Variants in RIPOR3 observed in about 807,000 individuals in gnomAD.
RIPOR3 encodes the protein RIPOR family member 3, also known as family with sequence similarity 65 member C.
Under a neutral mutation model 114.3 loss-of-function variants are expected in RIPOR3, and 95 were observed. That is an observed-to-expected ratio of 0.83 (90% CI 0.70 to 0.99). The LOEUF (loss-of-function observed/expected upper bound fraction) is 0.99. Ranked by LOEUF, RIPOR3 falls within the 50% of genes least tolerant of loss-of-function variation. The pLI, the probability that RIPOR3 is intolerant of heterozygous loss-of-function variation, is 0.00. For missense variants in RIPOR3, 1,252 were observed against 1,266.9 expected (o/e 0.99, Z 0.18); for synonymous variants, 575 against 543.8 (o/e 1.06, Z -0.80).
chr20:50,653,977 C>A (rs1344565880), intron 1 of RIPOR3: 1 of 152,110 alleles, frequency 6.6e-6, no homozygotes, highest in Non-Finnish European at 1.5e-5. Flanking sequence ...CTCATGAGAC[C>A]TTTCCTGGCC....
chr20:50,612,099 T>C (rs1224359626), intron 4 of RIPOR3, among the ~76,000 whole-genome samples: 1 of 142,684 alleles, frequency 7.0e-6, no homozygotes, highest in Admixed American at 7.4e-5. Context: ...TACTCCAGCC[T>C]GGGTGACAGA....
chr20:50,643,390 G>A (rs1014055878), intron 1 of RIPOR3, among the ~76,000 whole-genome samples: 3 of 150,818 alleles, frequency 2.0e-5, no homozygotes, highest in Non-Finnish European at 4.4e-5. Context: ...TCCCGCCTTG[G>A]CCTCCCAAAG....
intron 1 of RIPOR3, among the ~76,000 whole-genome samples, chr20:50,640,046 C>T (rs978280042): frequency 1.3e-5 from 2 of 150,904 alleles, no homozygotes; most frequent in Non-Finnish European, 2.9e-5. Flanking sequence ...CATAATTTTC[C>T]ATGGGCGAAA....
intron 20 of RIPOR3, among the ~76,000 whole-genome samples, chr20:50,588,120 C>T (rs1240618285): frequency 6.6e-6 from 1 of 152,234 alleles, no homozygotes; most frequent in East Asian, 1.9e-4. Context: ...GGGAGCCAGG[C>T]TGTTAGCAGA....
chr20:50,665,499 C>T (rs1026189725), intron 1 of RIPOR3, among the ~76,000 whole-genome samples: 2 of 145,876 alleles, frequency 1.4e-5, no homozygotes, highest in African/African-American at 2.5e-5. Flanking sequence ...CGGCTCTCCG[C>T]AACCTCCGCC....
chr20:50,615,620 G>A (rs1387304212), intron 4 of RIPOR3, among the ~76,000 whole-genome samples: 1 of 151,886 alleles, frequency 6.6e-6, no homozygotes, highest in Non-Finnish European at 1.5e-5. Flanking sequence ...CTTCATCAAG[G>A]ACAGCGGCAG....
intron 1 of RIPOR3, among the ~76,000 whole-genome samples, chr20:50,683,088 C>T (rs757402345): frequency 5.3e-5 from 8 of 152,146 alleles, no homozygotes; most frequent in Non-Finnish European, 1.0e-4. Flanking sequence ...AAATGGATGG[C>T]GCTGATAATT....
chr20:50,601,752 C>T (rs1415132420), intron 13 of RIPOR3, among the ~76,000 whole-genome samples: 2 of 152,202 alleles, frequency 1.3e-5, no homozygotes, highest in African/African-American at 4.8e-5. Context: ...ACCCTGACAA[C>T]ACTCCAAGTT....
intron 1 of RIPOR3, among the ~76,000 whole-genome samples, chr20:50,657,212 C>T (rs1296436922): frequency 6.6e-6 from 1 of 151,418 alleles, no homozygotes; most frequent in Non-Finnish European, 1.5e-5. Flanking sequence ...CATAGTGAGA[C>T]CCCATCTCTC....
intron 1 of RIPOR3, among the ~76,000 whole-genome samples, chr20:50,678,827 T>G (rs1427606952): frequency 7.9e-5 from 12 of 152,004 alleles, no homozygotes; most frequent in South Asian, 6.2e-4. Flanking sequence ...GGAACCATTA[T>G]TATCTGTTTA....
intron 1 of RIPOR3, among the ~76,000 whole-genome samples, chr20:50,644,734 C>G (rs2085339098): frequency 8.1e-6 from 1 of 123,160 alleles, no homozygotes; most frequent in African/African-American, 3.2e-5. Flanking sequence ...GTTGCCCAGA[C>G]TATTCTCAAA....
chr20:50,639,737 G>T (rs2085119746), intron 1 of RIPOR3, among the ~76,000 whole-genome samples: 1 of 152,174 alleles, frequency 6.6e-6, no homozygotes, highest in East Asian at 1.9e-4. Flanking sequence ...TTGTGTATAG[G>T]CAGTGTGGTG....
At chr20:50,616,872 G>A (rs942052053) in intron 3 of RIPOR3, among the ~76,000 whole-genome samples, 3 of 152,188 alleles carry the variant, frequency 2.0e-5, no homozygotes, top group Non-Finnish European at 2.9e-5. Context: ...GCCGGGCGCC[G>A]TGGCTGACGC....
intron 14 of RIPOR3, 152 bp from the exon 15 acceptor site, chr20:50,596,415 A>G: frequency 8.8e-7 from 1 of 1,139,122 alleles, no homozygotes; most frequent in Non-Finnish European, 1.2e-6. Context: ...AAAGGAACAA[A>G]GGGTGGCAGC....
chr20:50,683,425 T>A (rs2086921882), intron 1 of RIPOR3, among the ~76,000 whole-genome samples: 1 of 151,352 alleles, frequency 6.6e-6, no homozygotes, highest in African/African-American at 2.4e-5. Context: ...ATTATGGAAT[T>A]ATGAATCATT....
At position 50,608,799 on chromosome 20, in the gene RIPOR3, C is replaced by T. The variant is rs577219601; in HGVS notation, c.685-61G>A. ...GGTGGGTGTCCCCTTGCTGTCCGCCCAGGGCCCTCCCTGCCAGGCAGAGCC... is the reference window on the plus strand; with the variant it reads ...GGTGGGTGTCCCCTTGCTGTCCGCCTAGGGCCCTCCCTGCCAGGCAGAGCC... On this transcript the variant is annotated intron_variant, in intron 9 of 21. Coordinates refer to ENST00000327979, the MANE Select transcript of RIPOR3 (RefSeq NM_001290268.2). The T allele has an allele frequency of 2.9e-5, 46 of 1,612,618 alleles. No individual in the cohort carries two copies. In the African/African-American group the frequency reaches 5.1e-4, roughly 18 times the overall value.
At chr20:50,679,560 A>T (rs1306390737) in intron 1 of RIPOR3, among the ~76,000 whole-genome samples, 16 of 146,262 alleles carry the variant, frequency 1.1e-4, no homozygotes, top group South Asian at 2.2e-4. Flanking sequence ...GATCGAGACC[A>T]TTCTGGCAAA....
intron 11 of RIPOR3, among the ~76,000 whole-genome samples, chr20:50,606,766 G>A (rs1187282030): frequency 1.3e-5 from 2 of 149,810 alleles, no homozygotes; most frequent in African/African-American, 2.5e-5. Context: ...GTCTTGCTCT[G>A]TCACCCAGGC....
At chr20:50,597,842 A>G in intron 13 of RIPOR3, 132 bp from the exon 14 acceptor site, 2 of 1,380,820 alleles carry the variant, frequency 1.4e-6, no homozygotes, top group Non-Finnish European at 1.9e-6. Flanking sequence ...ACCGTCCCCC[A>G]GCAGAAGCCC....
Sources: allele counts gnomAD v4.1 joint callset (sites outside exome capture counted in the v4.1 genomes callset), GRCh38; gene constraint gnomAD v4.1.1; transcripts MANE v1.5; gene names NCBI Gene and HGNC (gene_info 2026-07-23, HGNC 2026-07-21).